Variants in RELN observed in about 807,000 individuals in gnomAD.
RELN encodes the protein reelin.
A neutral mutation model predicts 427.6 loss-of-function variants in RELN; 108 were observed. The ratio of observed to expected loss-of-function variants is 0.25; its 90% CI spans 0.22 to 0.30. The LOEUF (loss-of-function observed/expected upper bound fraction) is 0.30. Ranked by LOEUF, RELN falls within the 10% of genes least tolerant of loss-of-function variation. The pLI is 1.00. For missense variants in RELN, 3,715 were observed against 4,302.8 expected (o/e 0.86, Z 3.82); for synonymous variants, 1,524 against 1,513.4 (o/e 1.01, Z -0.16).
At chr7:103,863,261 T>G (rs935249075) in intron 2 of RELN, among the ~76,000 whole-genome samples, 3 of 152,178 alleles carry the variant, frequency 2.0e-5, no homozygotes, top group Non-Finnish European at 2.9e-5. Context: ...ATAATCATTA[T>G]AGTATCTTCA....
At position 103,913,649 on chromosome 7, in the gene RELN, AAAG is replaced by A. The variant is rs146623022; in HGVS notation, c.337+3423_337+3425del. ...ATGTTTAATTTTGTTTTTAACTTGT[AAAG>A]AATATGTTAAACTTAGATCAAATAC... On this transcript the variant is annotated intron_variant, in intron 2 of 64. Transcript: ENST00000428762. Among the ~76,000 whole-genome samples, 567 of 152,278 alleles carry A rather than the reference AAAG, an allele frequency of 3.7e-3. 9 individuals carry two copies. The East Asian group carries it at 0.058, about 16-fold the overall frequency.
intron 11 of RELN, among the ~76,000 whole-genome samples, chr7:103,671,553 C>T (rs575005368): frequency 3.3e-5 from 5 of 152,112 alleles, no homozygotes; most frequent in East Asian, 1.9e-4. Context: ...TTTCTCCTCC[C>T]GTAAAATGTA....
At chr7:103,970,358 G>A (rs1483642482) in intron 1 of RELN, among the ~76,000 whole-genome samples, 1 of 151,998 alleles carries the variant, frequency 6.6e-6, no homozygotes, top group South Asian at 2.1e-4. Context: ...TGGCCAGGCT[G>A]GTCTCGAACT....
chr7:103,755,707 T>C (rs1791127919), intron 4 of RELN, among the ~76,000 whole-genome samples: 1 of 139,954 alleles, frequency 7.1e-6, no homozygotes, highest in African/African-American at 2.7e-5. Flanking sequence ...TCCCAGCTAC[T>C]CAGGAGGCTG....
At chr7:103,690,423 T>C (rs1200007560) in intron 10 of RELN, among the ~76,000 whole-genome samples, 2 of 152,116 alleles carry the variant, frequency 1.3e-5, no homozygotes, top group African/African-American at 4.8e-5. Flanking sequence ...TTCTTAAATG[T>C]GGAACACCCA....
At position 103,921,088 on chromosome 7, in the gene RELN, C is replaced by T. The variant is rs375381836; in HGVS notation, c.227-3903G>A. 2.8e-4 allele frequency among the ~76,000 whole-genome samples: 43 copies of T among 152,288 alleles called. No homozygotes were observed. In the East Asian group the frequency reaches 8.1e-3, roughly 29 times the overall value. Reference sequence around the variant, plus strand: ...ACTAAGCAACTTCTATGAGCTAAGACTTGTGTAAGCACTGTAATTTGGGTT... The same window carrying T: ...ACTAAGCAACTTCTATGAGCTAAGATTTGTGTAAGCACTGTAATTTGGGTT... On this transcript the variant is annotated intron_variant, in intron 1 of 64. Coordinates refer to ENST00000428762, the MANE Select transcript of RELN (RefSeq NM_005045.4).
Position 103,949,033 on chromosome 7 carries a change from A to C in RELN, c.227-31848T>G, listed in dbSNP as rs866756492. Among the ~76,000 whole-genome samples, 5 of 151,126 alleles carry C rather than the reference A, an allele frequency of 3.3e-5. No individual in the cohort carries two copies. The East Asian group carries it at 7.8e-4, about 23-fold the overall frequency. On this transcript the variant is annotated intron_variant, in intron 1 of 64. Transcript: ENST00000428762. Reference sequence around the variant, plus strand: ...TGAGACATTGTCTCCAAAAAAAAAAAAAAAAAAAAAAAAACCCGTATACAT... The same window carrying C: ...TGAGACATTGTCTCCAAAAAAAAAACAAAAAAAAAAAAAACCCGTATACAT...
intron 12 of RELN, 117 bp from the exon 13 acceptor site, chr7:103,654,322 TA>T: frequency 1.4e-6 from 1 of 696,872 alleles, no homozygotes. Context: ...CACTTAAGAA[TA>T]ACCCTAAACA....
At chr7:103,678,924 A>G (rs1256030399) in intron 11 of RELN, among the ~76,000 whole-genome samples, 1 of 152,192 alleles carries the variant, frequency 6.6e-6, no homozygotes, top group African/African-American at 2.4e-5. Flanking sequence ...TGAAAGAAGG[A>G]GACAAATATT....
intron 24 of RELN, among the ~76,000 whole-genome samples, chr7:103,601,434 G>A (rs1049047485): frequency 1.1e-4 from 17 of 152,100 alleles, no homozygotes; most frequent in African/African-American, 4.1e-4. Context: ...AACAAAACCT[G>A]CAGCTATTTT....
intron 24 of RELN, among the ~76,000 whole-genome samples, chr7:103,601,444 T>C (rs1831665723): frequency 6.6e-6 from 1 of 152,220 alleles, no homozygotes. Flanking sequence ...GCAGCTATTT[T>C]TGTATTTGCA....
chr7:103,696,677 C>T (rs1833982673), intron 10 of RELN, among the ~76,000 whole-genome samples: 1 of 152,056 alleles, frequency 6.6e-6, no homozygotes, highest in Non-Finnish European at 1.5e-5. Flanking sequence ...CTAATTCTGG[C>T]CAATATGATC....
chr7:103,801,136 C>T (rs1247368567), intron 3 of RELN, among the ~76,000 whole-genome samples: 1 of 152,152 alleles, frequency 6.6e-6, no homozygotes, highest in African/African-American at 2.4e-5. Context: ...GTTGGTGGGA[C>T]TGTAAACTAG....
At chr7:103,908,454 T>C (rs576698330) in intron 2 of RELN, among the ~76,000 whole-genome samples, 4 of 152,292 alleles carry the variant, frequency 2.6e-5, no homozygotes, top group Admixed American at 1.3e-4. Context: ...GAGGTAAGTA[T>C]GTTGCTCAAG....
At chr7:103,907,268 T>C (rs189418901) in intron 2 of RELN, among the ~76,000 whole-genome samples, 1 of 150,764 alleles carries the variant, frequency 6.6e-6, no homozygotes. Flanking sequence ...ACACAAAAAT[T>C]AGCTGGGCAT....
intron 8 of RELN, among the ~76,000 whole-genome samples, chr7:103,703,828 G>A (rs79405471): frequency 0.018 from 2,763 of 152,262 alleles, 98 homozygotes; most frequent in African/African-American, 0.063. Context: ...TGGTCTGAGA[G>A]GCACTGATGA....
At chr7:103,894,010 T>C (rs534071757) in intron 2 of RELN, among the ~76,000 whole-genome samples, 1 of 152,206 alleles carries the variant, frequency 6.6e-6, no homozygotes, top group Non-Finnish European at 1.5e-5. Flanking sequence ...GAATAAATTA[T>C]AACTTATTAA....
At chr7:103,524,337 GA>G (rs34847065) in intron 46 of RELN, among the ~76,000 whole-genome samples, 1 of 151,428 alleles carries the variant, frequency 6.6e-6, no homozygotes, top group South Asian at 2.1e-4. Flanking sequence ...ATTGTACAGA[GA>G]AAAAAAAGAG....
chr7:103,640,486 A>G lies in RELN; in HGVS notation c.2069+57T>C, dbSNP rs1832674225. Reference sequence around the variant, plus strand: ...AGGTTATTAAATGACTTGCGACTTCAACACATACATTACACATCAAAAAGG... The same window carrying G: ...AGGTTATTAAATGACTTGCGACTTCGACACATACATTACACATCAAAAAGG... On this transcript the variant is annotated intron_variant, in intron 17 of 64. Transcript: ENST00000428762. The surrounding 1 kb of genome is among the most constrained non-coding windows in gnomAD (Gnocchi z 4.1). 1 of 1,560,754 alleles carries G rather than the reference A, an allele frequency of 6.4e-7. No homozygotes were observed. Among genetic ancestry groups the G allele is most frequent in the South Asian group, 1.1e-5 (1 of 90,034 alleles).
Sources: gnomAD v4.1 joint callset for allele counts (sites outside exome capture counted in the v4.1 genomes callset) on GRCh38, gnomAD v4.1.1 for gene constraint, Gnocchi (gnomAD v3.1) non-coding constraint, MANE v1.5 for transcripts, NCBI Gene and HGNC (gene_info 2026-07-23, HGNC 2026-07-21) for gene names.